The following CELF2 variants were observed in gnomAD, a reference collection of about 807,000 sequenced individuals.
The protein encoded by CELF2 is CUGBP Elav-like family member 2, also known as CUG triplet repeat RNA-binding protein 2.
In CELF2, 8 loss-of-function variants were observed where a neutral mutation model predicts 62.6. The ratio of observed to expected loss-of-function variants is 0.13; its 90% CI spans 0.07 to 0.23. The LOEUF (loss-of-function observed/expected upper bound fraction) is 0.23, where lower values mean the gene tolerates loss of function less well. Among genes scored for constraint, CELF2 ranks in the 10% least tolerant of loss-of-function variants. The pLI, the probability that CELF2 is intolerant of heterozygous loss-of-function variation, is 1.00. For missense variants in CELF2, 333 were observed against 671.0 expected, an observed-to-expected ratio of 0.50 and a Z score of 5.56; for synonymous variants, 258 against 250.0, an observed-to-expected ratio of 1.03 and a Z score of -0.30.
chr10:10,645,575 G>T, the CELF2 span, among the ~76,000 whole-genome samples: 25 of 152,128 alleles, frequency 1.6e-4, no homozygotes, highest in Non-Finnish European at 3.7e-4. Context: ...AATCACTTGA[G>T]CCCAGAAGTT....
intron 2 of CELF2, among the ~76,000 whole-genome samples, chr10:11,187,188 T>G (rs1467670724): frequency 1.3e-5 from 2 of 152,216 alleles, no homozygotes; most frequent in African/African-American, 4.8e-5. Flanking sequence ...AGTTCTATTT[T>G]TGCCTTATGT....
chr10:10,907,402 A>G (rs2063437288), intron 1 of CELF2, among the ~76,000 whole-genome samples: 1 of 152,236 alleles, frequency 6.6e-6, no homozygotes, highest in Non-Finnish European at 1.5e-5. Flanking sequence ...CACCTTTTAA[A>G]AAAAGTTTTA....
In CELF2 at chr10:11,255,824, T is replaced by A. The variant is rs1282334768; in HGVS notation, c.404-1914T>A. Among the ~76,000 whole-genome samples, 1 of 152,156 alleles carries A rather than the reference T, an allele frequency of 6.6e-6. No individual in the cohort carries two copies. Among genetic ancestry groups the A allele is most frequent in the Admixed American group, 6.5e-5 (1 of 15,284 alleles). On this transcript the variant is annotated intron_variant, in intron 4 of 12. Transcript: ENST00000633077. This position sits in a 1 kb window ranked among gnomAD's most constrained non-coding sequence, Gnocchi z 5.5. ...GAGGTCCTCAGAGGTCAGCCTATTCTCCAAAGACACATATCAAACTCATGG... is the reference window on the plus strand; with the variant it reads ...GAGGTCCTCAGAGGTCAGCCTATTCACCAAAGACACATATCAAACTCATGG...
At chr10:10,756,808 A>G in the CELF2 span, among the ~76,000 whole-genome samples, 1 of 152,184 alleles carries the variant, frequency 6.6e-6, no homozygotes, top group Non-Finnish European at 1.5e-5. Context: ...AGAAGCAGTA[A>G]TTTTTGCTAT....
Position 11,005,882 on chromosome 10 carries a change from C to T in CELF2, c.53+442C>T, listed in dbSNP as rs1434862653. On this transcript the variant is annotated intron_variant, in intron 1 of 12. Coordinates refer to the CELF2 transcript ENST00000416382. The surrounding 1 kb of genome is among the most constrained non-coding windows in gnomAD (Gnocchi z 4.3). Reference sequence around the variant, plus strand: ...GTTCCAAATACCGCTCTAATCTGGACTTAGCCTACCTAAATAGTCCTCCTG... The same window carrying T: ...GTTCCAAATACCGCTCTAATCTGGATTTAGCCTACCTAAATAGTCCTCCTG... 6.6e-6 allele frequency among the ~76,000 whole-genome samples: 1 copy of T among 152,218 alleles called. No individual in the cohort carries two copies. Among genetic ancestry groups the T allele is most frequent in the African/African-American group, 2.4e-5 (1 of 41,464 alleles).
intron 1 of CELF2, among the ~76,000 whole-genome samples, chr10:10,804,457 A>C (rs2054998609): frequency 2.6e-5 from 4 of 152,248 alleles, no homozygotes. Context: ...GATGCTTTCA[A>C]ATCTCATACG....
At chr10:11,241,450 T>G (rs2073878954) in intron 3 of CELF2, among the ~76,000 whole-genome samples, 1 of 152,204 alleles carries the variant, frequency 6.6e-6, no homozygotes, top group Non-Finnish European at 1.5e-5. Context: ...TCCACCCACC[T>G]TGGCCTCCCA....
At chr10:10,700,867 G>T in the CELF2 span, among the ~76,000 whole-genome samples, 1 of 152,176 alleles carries the variant, frequency 6.6e-6, no homozygotes, top group African/African-American at 2.4e-5. Flanking sequence ...CCTGGTGTCA[G>T]TTTGGTTGCT....
the CELF2 span, among the ~76,000 whole-genome samples, chr10:10,535,034 G>A: frequency 6.6e-6 from 1 of 152,204 alleles, no homozygotes; most frequent in Non-Finnish European, 1.5e-5. Flanking sequence ...CTTAGTATAT[G>A]TATGGAGGGA....
chr10:11,284,139 G>C (rs1304285993), intron 8 of CELF2, among the ~76,000 whole-genome samples: 1 of 136,432 alleles, frequency 7.3e-6, no homozygotes, highest in Admixed American at 7.4e-5. Context: ...GGATGAGTGT[G>C]TGGTGGGTGG....
In CELF2 at chr10:11,328,231, C is replaced by T. The variant is rs1364476483; in HGVS notation, c.1439-695C>T. On this transcript the variant is annotated intron_variant, in intron 12 of 12. Transcript: ENST00000633077. This position sits in a 1 kb window ranked among gnomAD's most constrained non-coding sequence, Gnocchi z 6.4. Reference sequence around the variant, plus strand: ...AGCAATTTCCTTTCTGCTGAATTTACTGGAGCTTTGGAAATGGAAAGTGAG... The same window carrying T: ...AGCAATTTCCTTTCTGCTGAATTTATTGGAGCTTTGGAAATGGAAAGTGAG... 2.0e-5 allele frequency among the ~76,000 whole-genome samples: 3 copies of T among 152,210 alleles called. No individual in the cohort carries two copies. The highest frequency in any genetic ancestry group is 4.4e-5 in the Non-Finnish European group (3 of 68,046).
At chr10:10,750,214 A>G in the CELF2 span, among the ~76,000 whole-genome samples, 1 of 151,986 alleles carries the variant, frequency 6.6e-6, no homozygotes. Context: ...CCTGGGAGGT[A>G]GAAGTTGGAG....
At chr10:11,036,964 T>C (rs1471100282) in intron 1 of CELF2, among the ~76,000 whole-genome samples, 2 of 152,242 alleles carry the variant, frequency 1.3e-5, no homozygotes, top group Admixed American at 6.5e-5. Context: ...CTCCTGACTG[T>C]GGGCGTCTTG....
At chr10:10,497,866 G>A in the CELF2 span, among the ~76,000 whole-genome samples, 4 of 152,186 alleles carry the variant, frequency 2.6e-5, no homozygotes, top group Admixed American at 6.5e-5. Context: ...TAACTGGACC[G>A]CCTTACAATT....
chr10:11,105,037 C>CT (rs998995103), intron 1 of CELF2, among the ~76,000 whole-genome samples: 13 of 152,216 alleles, frequency 8.5e-5, no homozygotes, highest in Non-Finnish European at 1.6e-4. Context: ...GGCCAAGCAT[C>CT]TTTTTTTCCA....
At chr10:10,723,654 T>TG in the CELF2 span, among the ~76,000 whole-genome samples, 1 of 152,174 alleles carries the variant, frequency 6.6e-6, no homozygotes, top group South Asian at 2.1e-4. Flanking sequence ...AAAAGGGAGT[T>TG]GGTGATGTTT....
the CELF2 span, among the ~76,000 whole-genome samples, chr10:10,732,801 G>A: frequency 6.6e-6 from 1 of 152,192 alleles, no homozygotes; most frequent in South Asian, 2.1e-4. Flanking sequence ...TGGGATTACA[G>A]GCGTGAGCCA....
rs1482610851 is a variant in CELF2 at position 11,227,961 on chromosome 10, T to C, written c.354+10454T>C. On this transcript the variant is annotated intron_variant, in intron 3 of 12. Transcript: ENST00000633077. The surrounding 1 kb of genome is among the most constrained non-coding windows in gnomAD (Gnocchi z 4.8). Reference sequence around the variant, plus strand: ...CGGTATTATTGTTTCCTCAGAAGAGTGTGTATTTAAATACCTGCCAGGAAA... The same window carrying C: ...CGGTATTATTGTTTCCTCAGAAGAGCGTGTATTTAAATACCTGCCAGGAAA... Among the ~76,000 whole-genome samples the C allele has an allele frequency of 6.6e-6, 1 of 152,090 alleles. No individual in the cohort carries two copies. The highest frequency in any genetic ancestry group is 2.4e-5 in the African/African-American group (1 of 41,388).
the CELF2 span, among the ~76,000 whole-genome samples, chr10:10,745,700 C>G: frequency 6.6e-6 from 1 of 152,214 alleles, no homozygotes; most frequent in Non-Finnish European, 1.5e-5. Flanking sequence ...CTGCCAGTCT[C>G]TGCCTAATGG....
Sources: gnomAD v4.1 joint callset for allele counts (sites outside exome capture counted in the v4.1 genomes callset) on GRCh38, gnomAD v4.1.1 for gene constraint, Gnocchi (gnomAD v3.1) non-coding constraint, MANE v1.5 for transcripts, NCBI Gene and HGNC (gene_info 2026-07-23, HGNC 2026-07-21) for gene names.